The following RFPL2 variants were observed in gnomAD, a reference collection of about 807,000 sequenced individuals.
The protein encoded by RFPL2 is ret finger protein-like 2.
Under a neutral mutation model 17.8 loss-of-function variants are expected in RFPL2, and 13 were observed. That is an observed-to-expected ratio of 0.73 (90% CI 0.47 to 1.16). The LOEUF is 1.16. Among genes scored for constraint, RFPL2 ranks in the 50% most tolerant of loss-of-function variants. RFPL2 has a pLI of 0.00. For synonymous variants in RFPL2, 189 were observed against 180.9 expected, an observed-to-expected ratio of 1.04 and a Z score of -0.36; for missense variants, 431 against 479.3, an observed-to-expected ratio of 0.90 and a Z score of 0.94.
At chr22:32,198,181 C>A (rs1026884581) in intron 2 of RFPL2, among the ~76,000 whole-genome samples, 3 of 152,150 alleles carry the variant, frequency 2.0e-5, no homozygotes, top group Non-Finnish European at 2.9e-5. Context: ...ATCAGGGTTA[C>A]AACAACCCTG....
At chr22:32,200,005 T>A in intron 2 of RFPL2, 1 of 486,666 alleles carries the variant, frequency 2.1e-6, no homozygotes, top group Non-Finnish European at 4.2e-6. Flanking sequence ...CTGTGTCTCA[T>A]GAGTGGCTTC....
At position 32,201,929 on chromosome 22, in the gene RFPL2, C is replaced by T. The variant is rs1175452655; in HGVS notation, c.119+404G>A. On this transcript the variant is annotated intron_variant, in intron 2 of 4. Transcript: ENST00000652607. ...CCATGGCCACTGTCACAAATGACCC[C>T]TAATTTAGTGGCTTAAAATAACACA... Among the ~76,000 whole-genome samples the T allele has an allele frequency of 5.3e-5, 8 of 152,246 alleles. No homozygotes were observed. In the East Asian group the frequency reaches 9.7e-4, roughly 18 times the overall value.
At chr22:32,203,754 C>T (rs1603214338) in intron 1 of RFPL2, among the ~76,000 whole-genome samples, 1 of 151,690 alleles carries the variant, frequency 6.6e-6, no homozygotes, top group Non-Finnish European at 1.5e-5. Flanking sequence ...AGGTAGCGCC[C>T]CCAATCCTTG....
intron 2 of RFPL2, among the ~76,000 whole-genome samples, chr22:32,195,888 T>G (rs925606963): frequency 5.9e-5 from 9 of 152,136 alleles, no homozygotes; most frequent in African/African-American, 2.2e-4. Flanking sequence ...CTAGCTGTAA[T>G]TTTATATTCA....
intron 2 of RFPL2, among the ~76,000 whole-genome samples, chr22:32,199,404 CAG>C (rs1484303179): frequency 2.0e-5 from 3 of 152,192 alleles, no homozygotes; most frequent in African/African-American, 7.2e-5. Context: ...ACTCCACAGA[CAG>C]AGAACCCTGG....
intron 2 of RFPL2, among the ~76,000 whole-genome samples, chr22:32,194,858 G>A (rs2413081): frequency 6.6e-6 from 1 of 152,120 alleles, no homozygotes; most frequent in African/African-American, 2.4e-5. Context: ...CTTTTTATTT[G>A]TTTCCATTGG....
chr22:32,199,626 A>G (rs865820600), intron 2 of RFPL2, among the ~76,000 whole-genome samples: 1 of 152,208 alleles, frequency 6.6e-6, no homozygotes, highest in Non-Finnish European at 1.5e-5. Flanking sequence ...CTGCGTCAGG[A>G]TGATGCGTGG....
At chr22:32,199,824 C>T in intron 2 of RFPL2, 1 of 377,192 alleles carries the variant, frequency 2.7e-6, no homozygotes, top group Non-Finnish European at 5.2e-6. Flanking sequence ...CCTGCACTGG[C>T]ACTGAGGGGG....
intron 2 of RFPL2, among the ~76,000 whole-genome samples, chr22:32,199,317 T>C (rs1397956703): frequency 6.6e-6 from 1 of 152,006 alleles, no homozygotes; most frequent in East Asian, 1.9e-4. Context: ...CAAGAACTCC[T>C]GAATTCAAAT....
chr22:32,195,618 G>A (rs1484345200), intron 2 of RFPL2, among the ~76,000 whole-genome samples: 1 of 150,604 alleles, frequency 6.6e-6, no homozygotes, highest in African/African-American at 2.5e-5. Flanking sequence ...ACCATGCCTG[G>A]CTAATTTTTT....
intron 3 of RFPL2, chr22:32,193,442 T>C: frequency 1.4e-6 from 2 of 1,464,624 alleles, no homozygotes; most frequent in Non-Finnish European, 1.8e-6. Context: ...TCCATTCTCC[T>C]GGTGACCCAG....
chr22:32,193,726 G>A lies in RFPL2; in HGVS notation c.266-534C>T, dbSNP rs770311158. ...AAATACAAAAGAATTAGCCAGGCGT[G>A]GTGGCACATGCCTGTAATCCCAGAT... is the stretch of plus-strand genomic sequence containing the variant. On this transcript the variant is annotated intron_variant, in intron 3 of 4. Transcript: ENST00000652607. 5.4e-4 allele frequency among the ~76,000 whole-genome samples: 82 copies of A among 152,262 alleles called. 1 individual carries two copies. The highest frequency in any genetic ancestry group is 1.1e-3 in the Non-Finnish European group (73 of 68,020).
chr22:32,192,693 A>G (rs1312632644), intron 4 of RFPL2, among the ~76,000 whole-genome samples: 4 of 152,336 alleles, frequency 2.6e-5, no homozygotes, highest in African/African-American at 9.6e-5. Flanking sequence ...TGTCTAACCC[A>G]TGACATAGAC....
intron 3 of RFPL2, among the ~76,000 whole-genome samples, chr22:32,193,686 C>A (rs1278631721): frequency 3.3e-5 from 5 of 152,066 alleles, no homozygotes; most frequent in Admixed American, 6.5e-5. Context: ...CATGGGGAAA[C>A]CCCATCTCTA....
At chr22:32,192,833 G>A (rs1468009559) in intron 4 of RFPL2, 69 bp downstream of exon 4, 111 of 1,530,534 alleles carry the variant, frequency 7.3e-5, no homozygotes, top group Non-Finnish European at 9.6e-5. Flanking sequence ...GTGGAATGAG[G>A]GGCCAACTGC....
intron 2 of RFPL2, among the ~76,000 whole-genome samples, chr22:32,196,344 T>A (rs1007112703): frequency 5.9e-5 from 9 of 152,032 alleles, no homozygotes; most frequent in African/African-American, 2.2e-4. Flanking sequence ...TAAATGAAGA[T>A]TTTTTTCTTT....
intron 1 of RFPL2, chr22:32,203,178 G>A: frequency 1.2e-6 from 1 of 807,012 alleles, no homozygotes; most frequent in Non-Finnish European, 1.5e-6. Flanking sequence ...GGCGCTGGCA[G>A]CCTGCCCCCT....
At chr22:32,195,201 A>C (rs939735794) in intron 2 of RFPL2, among the ~76,000 whole-genome samples, 2 of 152,164 alleles carry the variant, frequency 1.3e-5, no homozygotes, top group Non-Finnish European at 1.5e-5. Context: ...TCCCTTTGGC[A>C]CATATTAAAG....
rs1922462448 is a variant in RFPL2, at chr22:32,190,558, A to G, written c.*214T>C. The G allele has an allele frequency of 2.3e-6, 1 of 432,010 alleles. No homozygotes were observed. The highest frequency in any genetic ancestry group is 1.1e-4 in the South Asian group (1 of 9,354). 26.8% of individuals were successfully genotyped at this position (432,010 alleles called of 1,614,324 possible). On this transcript the variant is annotated 3_prime_UTR_variant, in exon 5 of 5. Coordinates refer to ENST00000652607, the MANE Select transcript of RFPL2 (RefSeq NM_001394555.1). ...AATACAGGACATTTCTATAGGAAAC[A>G]AGATGTGAACCATAGGACTCAATGA... is the stretch of plus-strand genomic sequence containing the variant.
Sources: allele counts gnomAD v4.1 joint callset (sites outside exome capture counted in the v4.1 genomes callset), GRCh38; gene constraint gnomAD v4.1.1; transcripts MANE v1.5; gene names NCBI Gene and HGNC (gene_info 2026-07-23, HGNC 2026-07-21).